Variants in ARHGAP31 observed in about 807,000 individuals in gnomAD.
ARHGAP31 encodes the protein Rho GTPase activating protein 31.
In ARHGAP31, 34 loss-of-function variants were observed where a neutral mutation model predicts 113.9. That is an observed-to-expected ratio of 0.30 (90% CI 0.23 to 0.40). The LOEUF (loss-of-function observed/expected upper bound fraction) is 0.40, where lower values mean the gene tolerates loss of function less well. Among genes scored for constraint, ARHGAP31 ranks in the 10% least tolerant of loss-of-function variants. The probability of loss-of-function intolerance (pLI) is 1.00; values close to 1 mark genes in which losing one functional copy is unlikely to be tolerated. For synonymous variants in ARHGAP31, 650 were observed against 684.8 expected (o/e 0.95, Z 0.79); for missense variants, 1,548 against 1,767.1 (o/e 0.88, Z 2.22).
chr3:119,348,829 T>C (rs1245366503), intron 1 of ARHGAP31, among the ~76,000 whole-genome samples: 4 of 152,092 alleles, frequency 2.6e-5, no homozygotes, highest in Middle Eastern at 3.2e-3. Context: ...AACCCACAAA[T>C]ATGGGTGTCT....
chr3:119,330,538 C>T (rs181264122), intron 1 of ARHGAP31, among the ~76,000 whole-genome samples: 2 of 151,870 alleles, frequency 1.3e-5, no homozygotes, highest in African/African-American at 4.8e-5. Context: ...GGTTTCTTTC[C>T]ACCATCAATT....
At chr3:119,309,406 G>T (rs1041396282) in intron 1 of ARHGAP31, among the ~76,000 whole-genome samples, 1 of 152,150 alleles carries the variant, frequency 6.6e-6, no homozygotes, top group Non-Finnish European at 1.5e-5. Context: ...CCTCTTGCCA[G>T]GCCCTGTGCA....
At chr3:119,310,933 A>G (rs1047210418) in intron 1 of ARHGAP31, among the ~76,000 whole-genome samples, 1 of 152,208 alleles carries the variant, frequency 6.6e-6, no homozygotes, top group Non-Finnish European at 1.5e-5. Context: ...TAAAGGGGAA[A>G]AGACAGCTTT....
At chr3:119,345,521 G>C (rs1345989099) in intron 1 of ARHGAP31, among the ~76,000 whole-genome samples, 1 of 152,126 alleles carries the variant, frequency 6.6e-6, no homozygotes, top group African/African-American at 2.4e-5. Context: ...AGTAAGAGAG[G>C]AGACTGATCA....
intron 3 of ARHGAP31, among the ~76,000 whole-genome samples, chr3:119,375,946 G>A (rs901446464): frequency 3.9e-5 from 6 of 151,966 alleles, no homozygotes; most frequent in Non-Finnish European, 7.4e-5. Flanking sequence ...CAAACTCCAC[G>A]GCTCCAGCAA....
intron 1 of ARHGAP31, among the ~76,000 whole-genome samples, chr3:119,330,446 G>A (rs1278481524): frequency 6.6e-6 from 1 of 152,156 alleles, no homozygotes; most frequent in African/African-American, 2.4e-5. Context: ...GCATTCCTTC[G>A]CTGGGATAAG....
At chr3:119,398,681 A>T (rs2080573159) in intron 8 of ARHGAP31, among the ~76,000 whole-genome samples, 1 of 152,198 alleles carries the variant, frequency 6.6e-6, no homozygotes. Context: ...AATGGGTGAG[A>T]TCACTGGGGA....
At chr3:119,394,226 G>A (rs2080528445) in intron 8 of ARHGAP31, among the ~76,000 whole-genome samples, 1 of 152,148 alleles carries the variant, frequency 6.6e-6, no homozygotes, top group Admixed American at 6.5e-5. Context: ...GTGATCCCTT[G>A]GTTAAAGTGC....
At chr3:119,307,168 C>G (rs2107595693) in intron 1 of ARHGAP31, among the ~76,000 whole-genome samples, 1 of 152,260 alleles carries the variant, frequency 6.6e-6, no homozygotes, top group East Asian at 1.9e-4. Context: ...AATTCCAACT[C>G]TACCACATGC....
chr3:119,408,604 A>G (rs1409555370), intron 10 of ARHGAP31, among the ~76,000 whole-genome samples: 1 of 152,212 alleles, frequency 6.6e-6, no homozygotes, highest in East Asian at 1.9e-4. Flanking sequence ...CCTTTGTACC[A>G]AGATTACAAG....
At chr3:119,373,127 A>G (rs2080316551) in intron 3 of ARHGAP31, among the ~76,000 whole-genome samples, 1 of 152,224 alleles carries the variant, frequency 6.6e-6, no homozygotes, top group African/African-American at 2.4e-5. Context: ...GGAACTACAT[A>G]TAAACTATTT....
At chr3:119,362,797 G>A (rs1471245981) in intron 1 of ARHGAP31, among the ~76,000 whole-genome samples, 2 of 151,316 alleles carry the variant, frequency 1.3e-5, no homozygotes, top group Non-Finnish European at 1.5e-5. Context: ...GGGGGGTGGA[G>A]TAGAGATGAG....
intron 1 of ARHGAP31, among the ~76,000 whole-genome samples, chr3:119,325,514 TCA>T (rs2079832797): frequency 6.6e-6 from 1 of 152,148 alleles, no homozygotes; most frequent in Admixed American, 6.5e-5. Context: ...CTCTTCCCAC[TCA>T]CACTGTTGCA....
At chr3:119,302,887 A>G (rs71325372) in intron 1 of ARHGAP31, among the ~76,000 whole-genome samples, 1,892 of 152,332 alleles carry the variant, frequency 0.012, 18 homozygotes, top group Non-Finnish European at 0.023. Context: ...ATAACGATGG[A>G]CATTTGCATA....
In ARHGAP31 at chr3:119,415,219, C is replaced by A; in HGVS notation, c.3290C>A (p.Pro1097His). The change falls in exon 12 of 12, where the codon CCC becomes CAC. Residue 1097 changes from proline to histidine, a missense_variant. By Grantham distance (77) the Pro-to-His change is moderately conservative. Coordinates refer to ENST00000264245, the MANE Select transcript of ARHGAP31 (RefSeq NM_020754.4). ...CAGCTAAAGAGCACAGAGTGTGGGC[C>A]CCCAAAAGGGAAAAACAGGCCTTCT... ...KLQLKSTECG[P>H]PKGKNRPSSL... 6.2e-7 allele frequency: 1 copy of A among 1,614,148 alleles called. No individual in the cohort carries two copies. The highest frequency in any genetic ancestry group is 8.5e-7 in the Non-Finnish European group (1 of 1,180,014).
chr3:119,337,969 T>C (rs2079973707), intron 1 of ARHGAP31, among the ~76,000 whole-genome samples: 1 of 152,214 alleles, frequency 6.6e-6, no homozygotes, highest in Non-Finnish European at 1.5e-5. Flanking sequence ...AGATATATGT[T>C]TTTATTCATT....
chr3:119,325,008 T>TA, intron 1 of ARHGAP31: 1 of 455,994 alleles, frequency 2.2e-6, no homozygotes, highest in Non-Finnish European at 4.4e-6. Context: ...AGTGTGGACT[T>TA]ATATGATGCC....
At chr3:119,336,428 T>A (rs1034146700) in intron 1 of ARHGAP31, among the ~76,000 whole-genome samples, 2 of 152,072 alleles carry the variant, frequency 1.3e-5, no homozygotes, top group Non-Finnish European at 2.9e-5. Flanking sequence ...GGATGTACCA[T>A]CATGCAGCAG....
intron 11 of ARHGAP31, among the ~76,000 whole-genome samples, chr3:119,410,396 G>T (rs750058627): frequency 5.9e-5 from 9 of 152,168 alleles, no homozygotes; most frequent in Non-Finnish European, 1.3e-4. Flanking sequence ...CTGCATTTGA[G>T]AGGCAGCTCT....
Sources: gnomAD v4.1 joint callset for allele counts (sites outside exome capture counted in the v4.1 genomes callset) on GRCh38, gnomAD v4.1.1 for gene constraint, MANE v1.5 for transcripts, NCBI Gene and HGNC (gene_info 2026-07-23, HGNC 2026-07-21) for gene names.